ZNF362: variants seen among roughly 807,000 people sequenced by gnomAD.
ZNF362 encodes zinc finger protein 362.
Under a neutral mutation model 42.9 loss-of-function variants are expected in ZNF362, and 11 were observed. The ratio of observed to expected loss-of-function variants is 0.26; its 90% CI spans 0.16 to 0.42. The LOEUF (loss-of-function observed/expected upper bound fraction) is 0.42. Among genes scored for constraint, ZNF362 ranks in the 20% least tolerant of loss-of-function variants. ZNF362 has a pLI of 1.00. For synonymous variants in ZNF362, 255 were observed against 257.3 expected, an observed-to-expected ratio of 0.99 and a Z score of 0.09; for missense variants, 362 against 576.2, an observed-to-expected ratio of 0.63 and a Z score of 3.81.
chr1:33,255,978 C>G (rs377701180), upstream of ZNF362, among the ~76,000 whole-genome samples: 676 of 151,714 alleles, frequency 4.5e-3, 4 homozygotes, highest in Middle Eastern at 0.014. Context: ...AGGCGGCCGC[C>G]GGGCCTGGGC....
intron 1 of ZNF362, among the ~76,000 whole-genome samples, chr1:33,262,988 C>T (rs1048096455): frequency 2.0e-5 from 3 of 152,250 alleles, no homozygotes; most frequent in African/African-American, 7.2e-5. Context: ...TCCTGGGAAA[C>T]AGCACACAGC....
chr1:33,214,291 A>G, the ZNF362 span, among the ~76,000 whole-genome samples: 25 of 152,234 alleles, frequency 1.6e-4, no homozygotes, highest in Non-Finnish European at 2.4e-4. Flanking sequence ...CAGGATCTCC[A>G]TATGCAGAAG....
At chr1:33,140,178 C>T in the ZNF362 span, among the ~76,000 whole-genome samples, 1 of 152,122 alleles carries the variant, frequency 6.6e-6, no homozygotes, top group Admixed American at 6.5e-5. The surrounding 1 kb of genome is among the most constrained non-coding windows in gnomAD (Gnocchi z 4.0). Flanking sequence ...TTTGCCTGTC[C>T]CTCTTGTTCA....
At chr1:33,190,880 G>A in the ZNF362 span, among the ~76,000 whole-genome samples, 31 of 152,256 alleles carry the variant, frequency 2.0e-4, no homozygotes, top group African/African-American at 6.7e-4. Flanking sequence ...TCAGCTTCCT[G>A]TTCCTGTGAG....
the ZNF362 span, among the ~76,000 whole-genome samples, chr1:33,227,265 G>C: frequency 6.6e-6 from 1 of 152,138 alleles, no homozygotes; most frequent in Non-Finnish European, 1.5e-5. Context: ...AAGAAGTGGG[G>C]TCGATGCCCC....
At chr1:33,132,912 A>AT in the ZNF362 span, among the ~76,000 whole-genome samples, 1 of 152,262 alleles carries the variant, frequency 6.6e-6, no homozygotes, top group Non-Finnish European at 1.5e-5. Flanking sequence ...TCAGAAAAGC[A>AT]TGGGGGAATG....
At chr1:33,160,831 G>A in the ZNF362 span, among the ~76,000 whole-genome samples, 1 of 152,204 alleles carries the variant, frequency 6.6e-6, no homozygotes, top group Non-Finnish European at 1.5e-5. Flanking sequence ...GTGGTTACTC[G>A]CTGTCTCCTG....
At chr1:33,252,357 C>G (rs1570372754), upstream of ZNF362, among the ~76,000 whole-genome samples, 1 of 866 alleles carries the variant, frequency 1.2e-3, no homozygotes, top group African/African-American at 1.3e-3. Flanking sequence ...CATCTCAAAA[C>G]AACAACAACA....
chr1:33,164,223 T>C, the ZNF362 span: 1 of 152,266 alleles, frequency 6.6e-6, no homozygotes, highest in Non-Finnish European at 1.5e-5. Flanking sequence ...TGTCATGACC[T>C]TCCTGAGACC....
the ZNF362 span, among the ~76,000 whole-genome samples, chr1:33,224,674 T>C: frequency 6.6e-6 from 1 of 152,202 alleles, no homozygotes; most frequent in African/African-American, 2.4e-5. Context: ...TGGACATGTC[T>C]AAATTATGTA....
At position 33,297,253 on chromosome 1, in the gene ZNF362, C is replaced by T. The variant is rs146792693; in HGVS notation, c.1147-1677C>T. 7.7e-4 allele frequency among the ~76,000 whole-genome samples: 117 copies of T among 152,296 alleles called. 1 individual carries two copies. In the East Asian group the frequency reaches 0.019, roughly 25 times the overall value. ...TCTCCAAGGCTCAAGTTTTCCATAA[C>T]CTCCTACACCATCAACCAATCCTGC... On this transcript the variant is annotated intron_variant, in intron 8 of 8. Coordinates refer to ENST00000539719, the MANE Select transcript of ZNF362 (RefSeq NM_152493.3).
the ZNF362 span, among the ~76,000 whole-genome samples, chr1:33,171,810 C>A: frequency 6.6e-6 from 1 of 152,122 alleles, no homozygotes; most frequent in African/African-American, 2.4e-5. Flanking sequence ...GAGACAGAAT[C>A]TCGCTCTGTA....
At chr1:33,228,061 CT>C in the ZNF362 span, among the ~76,000 whole-genome samples, 4 of 152,272 alleles carry the variant, frequency 2.6e-5, no homozygotes, top group African/African-American at 7.2e-5. Context: ...CAGTTGCCCC[CT>C]GGCTCTGGCT....
chr1:33,240,688 T>C, the ZNF362 span, among the ~76,000 whole-genome samples: 15 of 152,310 alleles, frequency 9.8e-5, no homozygotes, highest in African/African-American at 3.4e-4. Context: ...CAAGCTAACT[T>C]TGGTGCAGTC....
the ZNF362 span, among the ~76,000 whole-genome samples, chr1:33,194,115 T>A: frequency 2.0e-5 from 3 of 152,154 alleles, no homozygotes; most frequent in Non-Finnish European, 4.4e-5. Context: ...ATGCAATAGA[T>A]GTTTTAAAGA....
chr1:33,154,331 C>T, the ZNF362 span, among the ~76,000 whole-genome samples: 1 of 152,302 alleles, frequency 6.6e-6, no homozygotes, highest in East Asian at 1.9e-4. Context: ...GCCTTCTAGC[C>T]TCAGCTGCCA....
At chr1:33,218,241 G>C in the ZNF362 span, among the ~76,000 whole-genome samples, 35 of 152,192 alleles carry the variant, frequency 2.3e-4, no homozygotes, top group Non-Finnish European at 3.4e-4. Context: ...AGGAGTTCAA[G>C]ATCAGCCTGG....
the ZNF362 span, among the ~76,000 whole-genome samples, chr1:33,248,921 A>C: frequency 6.6e-6 from 1 of 152,202 alleles, no homozygotes; most frequent in Non-Finnish European, 1.5e-5. Context: ...ATAATGCTCA[A>C]ATATTTCAAC....
chr1:33,211,647 C>A, the ZNF362 span, among the ~76,000 whole-genome samples: 1 of 152,046 alleles, frequency 6.6e-6, no homozygotes, highest in Non-Finnish European at 1.5e-5. Flanking sequence ...CCCGCCCTTT[C>A]TCTCTGGCTG....
Sources: allele counts gnomAD v4.1 joint callset (sites outside exome capture counted in the v4.1 genomes callset), GRCh38; gene constraint gnomAD v4.1.1; non-coding constraint Gnocchi (gnomAD v3.1); transcripts MANE v1.5; gene names NCBI Gene and HGNC (gene_info 2026-07-23, HGNC 2026-07-21).